The following CCNY variants were observed in gnomAD, a reference collection of about 807,000 sequenced individuals.
The protein encoded by CCNY is cyclin-Y.
CCNY carries 19 observed loss-of-function variants against 42.8 expected under a neutral mutation model. The observed-to-expected ratio is 0.44, with a 90% confidence interval of 0.31 to 0.65. The LOEUF is 0.65. Among genes scored for constraint, CCNY ranks in the 30% least tolerant of loss-of-function variants. The probability of loss-of-function intolerance (pLI) is 0.07; values close to 1 mark genes in which losing one functional copy is unlikely to be tolerated. For missense variants in CCNY, 370 were observed against 437.3 expected, an observed-to-expected ratio of 0.85 and a Z score of 1.37; for synonymous variants, 165 against 162.7, an observed-to-expected ratio of 1.01 and a Z score of -0.11.
At chr10:35,412,936 G>T (rs1354610469) in intron 1 of CCNY, among the ~76,000 whole-genome samples, 1 of 151,534 alleles carries the variant, frequency 6.6e-6, no homozygotes, top group Non-Finnish European at 1.5e-5. Context: ...TTGGGTTGGG[G>T]ATGGCATAAT....
intron 1 of CCNY, among the ~76,000 whole-genome samples, chr10:35,349,953 C>T (rs890099932): frequency 3.3e-5 from 5 of 152,206 alleles, no homozygotes; most frequent in African/African-American, 9.7e-5. Context: ...GTATCTGTCA[C>T]TTGCACACAT....
chr10:35,425,417 T>C (rs1042580927), intron 1 of CCNY, among the ~76,000 whole-genome samples: 2 of 152,220 alleles, frequency 1.3e-5, no homozygotes, highest in African/African-American at 4.8e-5. Flanking sequence ...TTACAGAGTT[T>C]ATCCCAGGAA....
At position 35,422,618 on chromosome 10, in the gene CCNY, A is replaced by G. The variant is rs142624089; in HGVS notation, c.155-60786A>G. ...TCAAGATATGTTGTTTTATGTTTAC[A>G]TTTAGTCAGTTAATTCTGGTTTATA... On this transcript the variant is annotated intron_variant, in intron 1 of 9. Transcript: ENST00000374704. Among the ~76,000 whole-genome samples the G allele has an allele frequency of 3.1e-4, 48 of 152,384 alleles. No individual in the cohort carries two copies. The East Asian group carries it at 6.2e-3, about 20-fold the overall frequency.
chr10:35,416,244 G>C (rs749088586), intron 1 of CCNY, among the ~76,000 whole-genome samples: 3 of 151,554 alleles, frequency 2.0e-5, no homozygotes, highest in African/African-American at 7.3e-5. Context: ...GTACTTTGAT[G>C]ATGCTGACAT....
intron 4 of CCNY, among the ~76,000 whole-genome samples, chr10:35,524,694 G>C (rs1840617101): frequency 6.6e-6 from 1 of 152,204 alleles, no homozygotes; most frequent in Non-Finnish European, 1.5e-5. Flanking sequence ...GTTTTTGAAA[G>C]AGGAAATTTT....
chr10:35,436,592 A>G (rs1838538672), intron 1 of CCNY, among the ~76,000 whole-genome samples: 2 of 152,124 alleles, frequency 1.3e-5, no homozygotes, highest in South Asian at 2.1e-4. Context: ...GTGGAAGGAC[A>G]CTGGAGGCAC....
At chr10:35,489,125 AAACT>A (rs1839846567) in intron 2 of CCNY, among the ~76,000 whole-genome samples, 1 of 152,156 alleles carries the variant, frequency 6.6e-6, no homozygotes, top group Non-Finnish European at 1.5e-5. Flanking sequence ...AAAATACAAA[AAACT>A]AACTGGGCGT....
intron 3 of CCNY, among the ~76,000 whole-genome samples, chr10:35,313,380 G>C (rs1009501648): frequency 6.6e-6 from 1 of 152,230 alleles, no homozygotes; most frequent in African/African-American, 2.4e-5. Flanking sequence ...TACAGGTAGA[G>C]CTGTGTCGCT....
At chr10:35,429,914 A>G (rs576678939) in intron 1 of CCNY, among the ~76,000 whole-genome samples, 4 of 152,356 alleles carry the variant, frequency 2.6e-5, no homozygotes, top group South Asian at 4.1e-4. Flanking sequence ...ACAGTTCAGT[A>G]GTGACTGGCT....
At position 35,253,712 on chromosome 10, in the gene CCNY, G is replaced by C. The variant is rs61363490; in HGVS notation, c.-9+3086G>C. 8.8e-3 allele frequency among the ~76,000 whole-genome samples: 1,331 copies of C among 152,052 alleles called. 25 individuals are homozygous for C. Among genetic ancestry groups the C allele is most frequent in the African/African-American group, 0.03 (1,248 of 41,486 alleles). On this transcript the variant is annotated intron_variant, in intron 3 of 11. Coordinates refer to the CCNY transcript ENST00000374706. The stretch of plus-strand genomic sequence containing the variant: ...CCATTCATAGAGGCTAACATTCAGT[G>C]ACTCAAACCAGGCATTGACTCCTTG...
intron 5 of CCNY, among the ~76,000 whole-genome samples, chr10:35,528,365 A>G (rs2135421248): frequency 6.6e-6 from 1 of 152,312 alleles, no homozygotes; most frequent in South Asian, 2.1e-4. Flanking sequence ...GTGTTCATGC[A>G]GGCAAATGTA....
At chr10:35,388,647 C>T (rs1837345756) in intron 1 of CCNY, among the ~76,000 whole-genome samples, 1 of 152,196 alleles carries the variant, frequency 6.6e-6, no homozygotes, top group African/African-American at 2.4e-5. Context: ...CATTTTCCAA[C>T]AGAAAGGCTC....
intron 2 of CCNY, among the ~76,000 whole-genome samples, chr10:35,494,279 A>G (rs1412083171): frequency 7.5e-6 from 1 of 133,944 alleles, no homozygotes; most frequent in South Asian, 2.8e-4. Context: ...TTTTTTTTTT[A>G]AAGAAAGAGT....
At chr10:35,281,061 C>A (rs1043226655) in intron 3 of CCNY, among the ~76,000 whole-genome samples, 16 of 152,152 alleles carry the variant, frequency 1.1e-4, no homozygotes, top group Non-Finnish European at 2.4e-4. Flanking sequence ...ACTTCACACC[C>A]ACTGGCATGG....
chr10:35,253,969 G>A (rs1241383168), intron 3 of CCNY, among the ~76,000 whole-genome samples: 1 of 146,824 alleles, frequency 6.8e-6, no homozygotes, highest in East Asian at 2.1e-4. Context: ...TCTGCCTCCC[G>A]GGTTCACGCC....
chr10:35,392,506 A>T (rs954390481), intron 1 of CCNY, among the ~76,000 whole-genome samples: 2 of 152,216 alleles, frequency 1.3e-5, no homozygotes, highest in Non-Finnish European at 2.9e-5. Flanking sequence ...CTGCTGGGGT[A>T]TCTGAGAAAG....
At chr10:35,326,695 G>A (rs1441523603) in intron 3 of CCNY, among the ~76,000 whole-genome samples, 1 of 152,052 alleles carries the variant, frequency 6.6e-6, no homozygotes, top group Non-Finnish European at 1.5e-5. Flanking sequence ...AGACCAGCCT[G>A]GGCAACATAG....
intron 8 of CCNY, among the ~76,000 whole-genome samples, chr10:35,553,446 A>G (rs1841301551): frequency 6.6e-6 from 1 of 152,184 alleles, no homozygotes; most frequent in Admixed American, 6.5e-5. Context: ...TATTGTAGGC[A>G]AACACTCCTT....
chr10:35,437,109 A>G (rs1479569179), intron 1 of CCNY, among the ~76,000 whole-genome samples: 1 of 152,202 alleles, frequency 6.6e-6, no homozygotes, highest in Non-Finnish European at 1.5e-5. Flanking sequence ...AGTATGAGGG[A>G]AACCACCCCC....
Sources: gnomAD v4.1 joint callset for allele counts (sites outside exome capture counted in the v4.1 genomes callset) on GRCh38, gnomAD v4.1.1 for gene constraint, MANE v1.5 for transcripts, NCBI Gene and HGNC (gene_info 2026-07-23, HGNC 2026-07-21) for gene names.